The following CNTN5 variants were observed in gnomAD, a reference collection of about 807,000 sequenced individuals.
CNTN5 encodes contactin 5.
Under a neutral mutation model 129.1 loss-of-function variants are expected in CNTN5, and 77 were observed. The ratio of observed to expected loss-of-function variants is 0.60; its 90% CI spans 0.50 to 0.72. The LOEUF is 0.72. Ranked by LOEUF, CNTN5 falls within the 30% of genes least tolerant of loss-of-function variation. The pLI is 0.00. For missense variants in CNTN5, 1,478 were observed against 1,328.8 expected, an observed-to-expected ratio of 1.11 and a Z score of -1.75; for synonymous variants, 509 against 465.6, an observed-to-expected ratio of 1.09 and a Z score of -1.20.
chr11:99,926,096 TCAATGGTTGG>T (rs1477187861), intron 7 of CNTN5, among the ~76,000 whole-genome samples: 1 of 152,164 alleles, frequency 6.6e-6, no homozygotes, highest in Non-Finnish European at 1.5e-5. Flanking sequence ...GATAATTAGC[TCAATGGTTGG>T]AGGACAGTGA....
chr11:100,035,200 T>A (rs1941920091), intron 9 of CNTN5, among the ~76,000 whole-genome samples: 3 of 107,330 alleles, frequency 2.8e-5, no homozygotes, highest in Middle Eastern at 4.4e-3. Flanking sequence ...AATTCCCACC[T>A]ATGAGTGAGA....
intron 3 of CNTN5, among the ~76,000 whole-genome samples, chr11:99,804,739 T>G (rs571646182): frequency 6.6e-6 from 1 of 151,290 alleles, no homozygotes; most frequent in Non-Finnish European, 1.5e-5. Context: ...ATATACTAAA[T>G]GTGTTTGAGT....
intron 1 of CNTN5, among the ~76,000 whole-genome samples, chr11:99,241,320 T>TG (rs199512810): frequency 0.013 from 1,851 of 145,542 alleles, 19 homozygotes; most frequent in African/African-American, 0.027. Context: ...GATTGTTGGT[T>TG]TTTTTTTTTT....
intron 13 of CNTN5, among the ~76,000 whole-genome samples, chr11:100,092,761 G>A (rs183602205): frequency 6.6e-6 from 1 of 151,458 alleles, no homozygotes; most frequent in East Asian, 1.9e-4. Context: ...TCCTCTTTGC[G>A]CATATGTGTG....
rs1009684877 is a variant in CNTN5 at position 99,290,481 on chromosome 11, A to C, written c.-209-34865A>C. 6.6e-5 allele frequency among the ~76,000 whole-genome samples: 10 copies of C among 151,894 alleles called. No homozygotes were observed. In the South Asian group the frequency reaches 2.1e-3, roughly 31 times the overall value. On this transcript the variant is annotated intron_variant, in intron 1 of 24. Transcript: ENST00000524871. ...CTAGAAATTTTCTGTGGGCAGCCTC[A>C]TCAGAGTTCTCTGCAGGTAACATAG... is the stretch of plus-strand genomic sequence containing the variant.
chr11:99,958,082 G>A (rs1247800495), intron 8 of CNTN5, among the ~76,000 whole-genome samples: 1 of 152,176 alleles, frequency 6.6e-6, no homozygotes, highest in East Asian at 1.9e-4. Flanking sequence ...AAGAAAGCCA[G>A]TATTAAAGAA....
chr11:99,046,485 A>G (rs1864212866), intron 1 of CNTN5, among the ~76,000 whole-genome samples: 1 of 152,176 alleles, frequency 6.6e-6, no homozygotes, highest in Non-Finnish European at 1.5e-5. Flanking sequence ...TGAAAAATAT[A>G]TAGTATTTAT....
At chr11:99,332,518 C>T (rs894660078) in intron 2 of CNTN5, among the ~76,000 whole-genome samples, 4 of 152,006 alleles carry the variant, frequency 2.6e-5, no homozygotes, top group Admixed American at 1.3e-4. Context: ...CTGATAGTCA[C>T]GGTTACAAAG....
chr11:99,699,957 C>A (rs950946496), intron 3 of CNTN5, among the ~76,000 whole-genome samples: 1 of 151,382 alleles, frequency 6.6e-6, no homozygotes, highest in Non-Finnish European at 1.5e-5. Context: ...ACACAGCAGC[C>A]TGGCACATAT....
chr11:99,022,637 A>G (rs1862925664), intron 1 of CNTN5, among the ~76,000 whole-genome samples: 1 of 152,134 alleles, frequency 6.6e-6, no homozygotes, highest in South Asian at 2.1e-4. Flanking sequence ...ATGATAACAA[A>G]TTAAAGATAT....
At chr11:100,350,226 A>G (rs375392638) in intron 23 of CNTN5, among the ~76,000 whole-genome samples, 1 of 151,720 alleles carries the variant, frequency 6.6e-6, no homozygotes, top group Non-Finnish European at 1.5e-5. Flanking sequence ...GAGCTTTCCA[A>G]ACTTCCTTAG....
chr11:99,957,898 T>G (rs1389222612), intron 8 of CNTN5, among the ~76,000 whole-genome samples: 1 of 151,912 alleles, frequency 6.6e-6, no homozygotes, highest in Non-Finnish European at 1.5e-5. Context: ...TATGTATATA[T>G]ATAAACATTT....
chr11:99,871,616 A>C (rs1387021455), intron 6 of CNTN5, among the ~76,000 whole-genome samples: 3 of 152,044 alleles, frequency 2.0e-5, no homozygotes, highest in African/African-American at 7.2e-5. Context: ...CTTAGAAAAC[A>C]ACAAAAGGAC....
At chr11:99,705,712 T>G (rs1298154405) in intron 3 of CNTN5, among the ~76,000 whole-genome samples, 2 of 151,374 alleles carry the variant, frequency 1.3e-5, no homozygotes, top group East Asian at 1.9e-4. Flanking sequence ...ACCTGGGAAG[T>G]GTACTTTAGC....
At chr11:99,206,254 A>G (rs987145085) in intron 1 of CNTN5, among the ~76,000 whole-genome samples, 8 of 152,126 alleles carry the variant, frequency 5.3e-5, no homozygotes, top group African/African-American at 1.7e-4. Flanking sequence ...GGAACTTTGT[A>G]CAAGTGGGTG....
intron 4 of CNTN5, among the ~76,000 whole-genome samples, chr11:99,842,476 C>T (rs1423162283): frequency 6.6e-6 from 1 of 152,152 alleles, no homozygotes; most frequent in Non-Finnish European, 1.5e-5. Context: ...ACAAATAATA[C>T]TTGAGTAGCA....
chr11:99,430,429 T>C (rs1410297378), intron 2 of CNTN5, among the ~76,000 whole-genome samples: 1 of 150,274 alleles, frequency 6.7e-6, no homozygotes, highest in East Asian at 1.9e-4. Flanking sequence ...ATTATATACA[T>C]AAGAACTTTA....
intron 9 of CNTN5, among the ~76,000 whole-genome samples, chr11:100,039,640 C>T (rs1942253632): frequency 6.6e-6 from 1 of 152,092 alleles, no homozygotes; most frequent in South Asian, 2.1e-4. Flanking sequence ...TCACATAGTC[C>T]CATATTTCTT....
At chr11:99,973,645 G>A (rs1472574946) in intron 8 of CNTN5, among the ~76,000 whole-genome samples, 2 of 151,644 alleles carry the variant, frequency 1.3e-5, no homozygotes, top group Admixed American at 6.6e-5. Flanking sequence ...CTCACGTTTT[G>A]TCTCAGTTAA....
Sources: gnomAD v4.1 joint callset for allele counts (sites outside exome capture counted in the v4.1 genomes callset) on GRCh38, gnomAD v4.1.1 for gene constraint, MANE v1.5 for transcripts, NCBI Gene and HGNC (gene_info 2026-07-23, HGNC 2026-07-21) for gene names.